Variants in TUBGCP3 observed in about 807,000 individuals in gnomAD.
The protein encoded by TUBGCP3 is tubulin gamma complex component 3.
TUBGCP3 carries 50 observed loss-of-function variants against 123.1 expected under a neutral mutation model. The ratio of observed to expected loss-of-function variants is 0.41; its 90% CI spans 0.32 to 0.51. TUBGCP3 has a LOEUF of 0.51. TUBGCP3 is among the 20% of genes least tolerant of loss of function. The pLI, the probability that TUBGCP3 is intolerant of heterozygous loss-of-function variation, is 0.36. For missense variants in TUBGCP3, 882 were observed against 1,127.0 expected (o/e 0.78, Z 3.11); for synonymous variants, 405 against 413.9 (o/e 0.98, Z 0.26).
intron 19 of TUBGCP3, among the ~76,000 whole-genome samples, chr13:112,501,785 G>A (rs968581170): frequency 1.3e-5 from 2 of 152,258 alleles, no homozygotes; most frequent in East Asian, 3.9e-4. Flanking sequence ...CTTCAACGAC[G>A]TCAGGTGGGA....
chr13:112,532,620 T>A (rs969729550), intron 11 of TUBGCP3, among the ~76,000 whole-genome samples: 4 of 152,206 alleles, frequency 2.6e-5, no homozygotes, highest in African/African-American at 9.6e-5. Flanking sequence ...CCAGGTTAGC[T>A]ACAGAAAGGA....
chr13:112,572,412 G>A (rs888592394), intron 1 of TUBGCP3, among the ~76,000 whole-genome samples: 2 of 149,828 alleles, frequency 1.3e-5, no homozygotes, highest in Non-Finnish European at 3.0e-5. Flanking sequence ...CTAAGTTCCC[G>A]CCCCTCACCC....
chr13:112,502,137 T>C (rs1439797369), intron 19 of TUBGCP3, among the ~76,000 whole-genome samples: 1 of 152,204 alleles, frequency 6.6e-6, no homozygotes, highest in African/African-American at 2.4e-5. Flanking sequence ...CTAACACCTA[T>C]CTGCCAGCCA....
Position 112,542,047 on chromosome 13 carries a change from C to T in TUBGCP3, c.1335+3652G>A, listed in dbSNP as rs184324564. 3.7e-3 allele frequency among the ~76,000 whole-genome samples: 566 copies of T among 152,284 alleles called. 17 individuals carry two copies. Among genetic ancestry groups the T allele is most frequent in the Admixed American group, 0.032 (496 of 15,290 alleles). On this transcript the variant is annotated intron_variant, in intron 11 of 21. Transcript: ENST00000261965. ...CCTCAAAACTGAGAACAGTAACACA[C>T]AGAACTTTTTATTTCTGGTGTACAT...
intron 1 of TUBGCP3, among the ~76,000 whole-genome samples, chr13:112,585,668 G>C (rs941266644): frequency 6.6e-6 from 1 of 152,062 alleles, no homozygotes; most frequent in Non-Finnish European, 1.5e-5. Flanking sequence ...ACTACTTGGG[G>C]GGCTGATGCA....
Position 112,576,482 on chromosome 13 carries a change from A to T in TUBGCP3, c.77-7223T>A, listed in dbSNP as rs527987821. On this transcript the variant is annotated intron_variant, in intron 1 of 21. Coordinates refer to ENST00000261965, the MANE Select transcript of TUBGCP3 (RefSeq NM_006322.6). ...TTGAAATCTGCTGAGAGTAAATCAC[A>T]GGTTTTCTCACCACACACACAAACA... is the stretch of plus-strand genomic sequence containing the variant. Among the ~76,000 whole-genome samples the T allele has an allele frequency of 6.6e-5, 10 of 152,314 alleles. No individual in the cohort carries two copies. The East Asian group carries it at 1.9e-3, about 29-fold the overall frequency.
At chr13:112,515,717 C>T (rs1463724681) in intron 17 of TUBGCP3, among the ~76,000 whole-genome samples, 1 of 152,142 alleles carries the variant, frequency 6.6e-6, no homozygotes, top group African/African-American at 2.4e-5. Context: ...CAATAAAAAC[C>T]GACAATTCTA....
chr13:112,527,751 A>G (rs1057102092), intron 11 of TUBGCP3, among the ~76,000 whole-genome samples: 1 of 152,252 alleles, frequency 6.6e-6, no homozygotes, highest in African/African-American at 2.4e-5. Flanking sequence ...CCTCTGCAGC[A>G]TAATACTGAG....
At chr13:112,510,051 C>T (rs371564237) in intron 17 of TUBGCP3, among the ~76,000 whole-genome samples, 12 of 152,180 alleles carry the variant, frequency 7.9e-5, no homozygotes, top group African/African-American at 1.7e-4. Context: ...GCAATAAGGT[C>T]CAATGAATAC....
intron 2 of TUBGCP3, among the ~76,000 whole-genome samples, chr13:112,568,599 C>T (rs1305004445): frequency 1.3e-5 from 2 of 152,274 alleles, no homozygotes; most frequent in Non-Finnish European, 2.9e-5. Flanking sequence ...GACCCAAGGC[C>T]AACATCTACT....
intron 1 of TUBGCP3, among the ~76,000 whole-genome samples, chr13:112,586,162 C>A (rs913849116): frequency 2.0e-5 from 3 of 151,614 alleles, no homozygotes; most frequent in African/African-American, 7.3e-5. Context: ...TGGCATGAAC[C>A]CGGAAGGTAG....
At chr13:112,565,535 G>C (rs1240776190) in intron 2 of TUBGCP3, among the ~76,000 whole-genome samples, 1 of 152,236 alleles carries the variant, frequency 6.6e-6, no homozygotes, top group Non-Finnish European at 1.5e-5. Flanking sequence ...GGTAGGGATG[G>C]AAAGTGAAAA....
intron 12 of TUBGCP3, 26 bp from the exon 13 acceptor site, chr13:112,527,076 A>G: frequency 6.4e-7 from 1 of 1,566,412 alleles, no homozygotes; most frequent in Non-Finnish European, 8.8e-7. Flanking sequence ...TTCTATGATT[A>G]CTTTTATGTA....
At chr13:112,530,860 AG>A (rs1010531934) in intron 11 of TUBGCP3, among the ~76,000 whole-genome samples, 1 of 152,234 alleles carries the variant, frequency 6.6e-6, no homozygotes, top group Non-Finnish European at 1.5e-5. Flanking sequence ...TGGTCCTGAC[AG>A]GGTTACTGGA....
chr13:112,554,576 G>A (rs908244622), intron 7 of TUBGCP3, among the ~76,000 whole-genome samples: 14 of 152,208 alleles, frequency 9.2e-5, no homozygotes, highest in Admixed American at 5.9e-4. Context: ...CATCAATGCC[G>A]AAGGTGCCAA....
intron 1 of TUBGCP3, among the ~76,000 whole-genome samples, chr13:112,580,974 C>A (rs1290814818): frequency 6.6e-6 from 1 of 152,158 alleles, no homozygotes; most frequent in Non-Finnish European, 1.5e-5. Flanking sequence ...AGTGAATTAT[C>A]CACCCAGCAG....
At chr13:112,592,350 G>C (rs1882896877), upstream of TUBGCP3, among the ~76,000 whole-genome samples, 1 of 152,164 alleles carries the variant, frequency 6.6e-6, no homozygotes, top group African/African-American at 2.4e-5. The surrounding 1 kb of genome is among the most constrained non-coding windows in gnomAD (Gnocchi z 4.1). Context: ...CAGGTGCCGG[G>C]TGGTGGGTGG....
chr13:112,570,230 C>G (rs1033101717), intron 1 of TUBGCP3, among the ~76,000 whole-genome samples: 5 of 151,830 alleles, frequency 3.3e-5, no homozygotes, highest in Non-Finnish European at 7.4e-5. Flanking sequence ...TCCCAGAACT[C>G]CAGGATGCAC....
chr13:112,587,997 G>A lies in TUBGCP3; in HGVS notation c.-17C>T. 2.0e-6 allele frequency: 3 copies of A among 1,525,708 alleles called. No homozygotes were observed. Among genetic ancestry groups the A allele is most frequent in the Non-Finnish European group, 2.6e-6 (3 of 1,136,720 alleles). 94.5% of individuals were successfully genotyped at this position (1,525,708 alleles called of 1,614,324 possible). ...GGTCGCCATCCTCGCCCGGAGCCGT[G>A]CACGGTGGTCCGGGCAGAGCCGCCA... On this transcript the variant is annotated 5_prime_UTR_variant, in exon 1 of 22. Transcript: ENST00000261965.
Sources: allele counts gnomAD v4.1 joint callset (sites outside exome capture counted in the v4.1 genomes callset), GRCh38; gene constraint gnomAD v4.1.1; non-coding constraint Gnocchi (gnomAD v3.1); transcripts MANE v1.5; gene names NCBI Gene and HGNC (gene_info 2026-07-23, HGNC 2026-07-21).